The following SEMA4D variants were observed in gnomAD, a reference collection of about 807,000 sequenced individuals.
The protein encoded by SEMA4D is semaphorin 4D.
In SEMA4D, 22 loss-of-function variants were observed where a neutral mutation model predicts 74.8. That is an observed-to-expected ratio of 0.29 (90% CI 0.21 to 0.42). SEMA4D has a LOEUF of 0.42. Among genes scored for constraint, SEMA4D ranks in the 10% least tolerant of loss-of-function variants. The pLI, the probability that SEMA4D is intolerant of heterozygous loss-of-function variation, is 1.00. For missense variants in SEMA4D, 937 were observed against 1,118.4 expected (o/e 0.84, Z 2.31); for synonymous variants, 445 against 463.7 (o/e 0.96, Z 0.52).
chr9:89,417,167 C>CA (rs1168812336), intron 2 of SEMA4D, among the ~76,000 whole-genome samples: 1 of 152,128 alleles, frequency 6.6e-6, no homozygotes, highest in Non-Finnish European at 1.5e-5. Flanking sequence ...AAACAAAACT[C>CA]AAAGACAAAT....
intron 9 of SEMA4D, among the ~76,000 whole-genome samples, chr9:89,389,756 T>G (rs1352037163): frequency 1.3e-5 from 2 of 152,168 alleles, no homozygotes; most frequent in Non-Finnish European, 1.5e-5. Flanking sequence ...ACAGGGAAAA[T>G]GTTCCCCCTT....
At chr9:89,371,363 GTGTC>G (rs1260139561) in intron 16 of SEMA4D, among the ~76,000 whole-genome samples, 4 of 129,154 alleles carry the variant, frequency 3.1e-5, no homozygotes, top group South Asian at 2.7e-4. Flanking sequence ...TGGGGTGTGT[GTGTC>G]TGGGGTGTGG....
intron 2 of SEMA4D, among the ~76,000 whole-genome samples, chr9:89,421,594 A>G (rs868824871): frequency 1.3e-5 from 2 of 152,206 alleles, no homozygotes; most frequent in African/African-American, 4.8e-5. Context: ...GTGTGCGTCT[A>G]TGTGCATGGG....
chr9:89,396,353 T>A (rs1465685821), intron 6 of SEMA4D, among the ~76,000 whole-genome samples: 2 of 152,022 alleles, frequency 1.3e-5, no homozygotes, highest in Admixed American at 6.6e-5. Flanking sequence ...GCACGTCCCC[T>A]CACCCCATAG....
At chr9:89,370,963 T>G (rs1834534826) in intron 16 of SEMA4D, among the ~76,000 whole-genome samples, 1 of 105,258 alleles carries the variant, frequency 9.5e-6, no homozygotes, top group East Asian at 2.7e-4. Context: ...GTATCTGGGG[T>G]AGGGTGTGTA....
intron 2 of SEMA4D, among the ~76,000 whole-genome samples, chr9:89,417,504 T>C (rs1845972455): frequency 1.3e-5 from 2 of 152,238 alleles, no homozygotes; most frequent in South Asian, 4.1e-4. Flanking sequence ...TTGAGTAATA[T>C]GAAAATGATG....
chr9:89,393,958 G>A (rs113717728), intron 6 of SEMA4D, among the ~76,000 whole-genome samples: 3 of 152,344 alleles, frequency 2.0e-5, no homozygotes, highest in African/African-American at 7.2e-5. Context: ...CTCTAGGGCT[G>A]GAAAGCCACC....
chr9:89,459,557 C>T (rs949004227), intron 1 of SEMA4D, among the ~76,000 whole-genome samples: 4 of 152,178 alleles, frequency 2.6e-5, no homozygotes, highest in African/African-American at 9.7e-5. Context: ...ATTAACATTC[C>T]TGAGGGTCTT....
At chr9:89,434,638 A>T (rs1850005399) in intron 2 of SEMA4D, among the ~76,000 whole-genome samples, 1 of 152,162 alleles carries the variant, frequency 6.6e-6, no homozygotes. Flanking sequence ...CACCCTGGAA[A>T]ATCCAGGAGA....
chr9:89,443,314 G>C (rs535179197), intron 2 of SEMA4D, among the ~76,000 whole-genome samples: 1 of 152,332 alleles, frequency 6.6e-6, no homozygotes, highest in African/African-American at 2.4e-5. Flanking sequence ...TATGTGGGCT[G>C]AACAAGGAGC....
At chr9:89,459,148 T>C (rs561847072) in intron 1 of SEMA4D, among the ~76,000 whole-genome samples, 7 of 152,324 alleles carry the variant, frequency 4.6e-5, no homozygotes, top group East Asian at 1.9e-4. Context: ...CATGTGCCTG[T>C]GGTCAGTGGT....
At chr9:89,433,738 G>A (rs757310084) in intron 2 of SEMA4D, among the ~76,000 whole-genome samples, 9 of 152,180 alleles carry the variant, frequency 5.9e-5, no homozygotes, top group Non-Finnish European at 1.2e-4. Flanking sequence ...GGGGCAACAG[G>A]GAGACACAAA....
At chr9:89,372,358 GTGTC>G (rs910200064), downstream of SEMA4D, among the ~76,000 whole-genome samples, 5 of 134,404 alleles carry the variant, frequency 3.7e-5, no homozygotes, top group Non-Finnish European at 6.5e-5. Flanking sequence ...GGTGTGGTGT[GTGTC>G]TGGGATGTGG....
downstream of SEMA4D, among the ~76,000 whole-genome samples, chr9:89,372,668 C>T (rs1835276233): frequency 6.6e-6 from 1 of 152,046 alleles, no homozygotes; most frequent in Admixed American, 6.5e-5. Context: ...TCCCCCAGGA[C>T]TCAGGATCAT....
At chr9:89,439,213 C>T (rs747292313) in intron 2 of SEMA4D, among the ~76,000 whole-genome samples, 8 of 152,096 alleles carry the variant, frequency 5.3e-5, no homozygotes, top group Non-Finnish European at 1.2e-4. Context: ...AACTCCTAAC[C>T]TCATGATCCG....
chr9:89,437,142 G>T (rs4073715), intron 2 of SEMA4D, among the ~76,000 whole-genome samples: 40,417 of 152,136 alleles, frequency 0.27, 5,910 homozygotes, highest in African/African-American at 0.36. Flanking sequence ...CAGGAAGCAC[G>T]TGGCCTCTTT....
chr9:89,415,131 G>A (rs1845439420), intron 2 of SEMA4D, among the ~76,000 whole-genome samples: 2 of 152,230 alleles, frequency 1.3e-5, no homozygotes, highest in African/African-American at 4.8e-5. Context: ...TGCCATTTGT[G>A]TGACATCACT....
intron 2 of SEMA4D, among the ~76,000 whole-genome samples, chr9:89,445,573 G>C (rs1852615642): frequency 6.6e-6 from 1 of 152,106 alleles, no homozygotes; most frequent in Non-Finnish European, 1.5e-5. Flanking sequence ...GGTTAGTCAG[G>C]GTTCTCCAGA....
intron 2 of SEMA4D, among the ~76,000 whole-genome samples, chr9:89,419,228 AGACTGATACTGGG>A (rs1160456758): frequency 6.6e-6 from 1 of 152,220 alleles, no homozygotes; most frequent in African/African-American, 2.4e-5. Flanking sequence ...GAGCTTCCAG[AGACTGATACTGGG>A]GTCTTCCCTC....
Sources: allele counts gnomAD v4.1 joint callset (sites outside exome capture counted in the v4.1 genomes callset), GRCh38; gene constraint gnomAD v4.1.1; transcripts MANE v1.5; gene names NCBI Gene and HGNC (gene_info 2026-07-23, HGNC 2026-07-21).